PIBF1: variants seen among roughly 807,000 people sequenced by gnomAD.
PIBF1 encodes progesterone immunomodulatory binding factor 1, also known as progesterone-induced-blocking factor 1.
A neutral mutation model predicts 112.5 loss-of-function variants in PIBF1; 90 were observed. The observed-to-expected ratio is 0.80, with a 90% CI of 0.67 to 0.95. The LOEUF (loss-of-function observed/expected upper bound fraction) is 0.95, where lower values mean the gene tolerates loss of function less well. Ranked by LOEUF, PIBF1 falls within the 40% of genes least tolerant of loss-of-function variation. PIBF1 has a pLI of 0.00. For synonymous variants in PIBF1, 301 were observed against 288.6 expected (o/e 1.04, Z -0.44); for missense variants, 915 against 852.3 (o/e 1.07, Z -0.92).
chr13:72,852,515 A>G (rs2038212677), intron 9 of PIBF1, among the ~76,000 whole-genome samples: 1 of 152,168 alleles, frequency 6.6e-6, no homozygotes, highest in Admixed American at 6.5e-5. Flanking sequence ...CCCGGCCAGT[A>G]TAGCTTGAGC....
rs192099674 is a variant in PIBF1, at chr13:72,974,946, C to A, written c.2049+1271C>A. On this transcript the variant is annotated intron_variant, in intron 16 of 17. Coordinates refer to ENST00000326291, the MANE Select transcript of PIBF1 (RefSeq NM_006346.4). Reference sequence around the variant, plus strand: ...AATGAGAGTTCCAGTTTCTCTGCATCGTCACCAACCATTGGTATTTTTAAC... The same window carrying A: ...AATGAGAGTTCCAGTTTCTCTGCATAGTCACCAACCATTGGTATTTTTAAC... 2.0e-5 allele frequency among the ~76,000 whole-genome samples: 3 copies of A among 152,222 alleles called. No homozygotes were observed. In the East Asian group the frequency reaches 5.8e-4, roughly 29 times the overall value.
intron 5 of PIBF1, among the ~76,000 whole-genome samples, chr13:72,812,537 C>T (rs2036069188): frequency 6.6e-6 from 1 of 151,914 alleles, no homozygotes. Context: ...TTCGAGACCA[C>T]CCTGGCCAAC....
chr13:72,838,577 G>T (rs531460514), intron 9 of PIBF1, among the ~76,000 whole-genome samples: 1 of 152,164 alleles, frequency 6.6e-6, no homozygotes, highest in Non-Finnish European at 1.5e-5. Flanking sequence ...GAAATCAGAA[G>T]TGAGATACAG....
chr13:72,811,552 C>T (rs571744603), intron 5 of PIBF1, among the ~76,000 whole-genome samples: 4 of 147,854 alleles, frequency 2.7e-5, no homozygotes, highest in Admixed American at 6.8e-5. Context: ...GCGGAGATCG[C>T]GCCGTTGCTC....
At chr13:72,873,119 G>T (rs2138439535) in intron 10 of PIBF1, among the ~76,000 whole-genome samples, 1 of 152,146 alleles carries the variant, frequency 6.6e-6, no homozygotes, top group South Asian at 2.1e-4. Context: ...AAATCGAAAG[G>T]ACCAGAACAT....
chr13:72,900,257 A>G (rs973926837), intron 11 of PIBF1, among the ~76,000 whole-genome samples: 3 of 152,160 alleles, frequency 2.0e-5, no homozygotes, highest in Admixed American at 6.5e-5. Context: ...AAAAATTCTA[A>G]AATTCATGTG....
chr13:72,904,552 T>A (rs529482687), intron 11 of PIBF1, among the ~76,000 whole-genome samples: 1 of 148,578 alleles, frequency 6.7e-6, no homozygotes, highest in African/African-American at 2.5e-5. Flanking sequence ...GCGATTCTTG[T>A]GCCTCAGCCT....
At chr13:72,999,119 A>C (rs1259027228) in intron 17 of PIBF1, 124 bp downstream of exon 17, 10 of 616,068 alleles carry the variant, frequency 1.6e-5, no homozygotes, top group African/African-American at 1.1e-4. Flanking sequence ...TCATGAAAAG[A>C]CCTTGAAGGA....
At chr13:72,823,108 TAAAAAAG>T (rs1456349887) in intron 6 of PIBF1, among the ~76,000 whole-genome samples, 1 of 151,908 alleles carries the variant, frequency 6.6e-6, no homozygotes, top group Non-Finnish European at 1.5e-5. Flanking sequence ...AAATATAAAA[TAAAAAAG>T]AATAAAAATG....
chr13:73,005,530 A>C (rs1435782087), intron 17 of PIBF1, among the ~76,000 whole-genome samples: 1 of 151,858 alleles, frequency 6.6e-6, no homozygotes, highest in Non-Finnish European at 1.5e-5. Context: ...TAAATTTTTA[A>C]TTTAATTTAA....
rs530785035 is a variant in PIBF1 at position 72,897,161 on chromosome 13, A to G, written c.1488+3212A>G. On this transcript the variant is annotated intron_variant, in intron 11 of 17. Transcript: ENST00000326291. ...GATCCCATCTTCAGCATCCTCAAACAAAACAATTATAAGCCAATAACTTTG... is the reference window on the plus strand; with the variant it reads ...GATCCCATCTTCAGCATCCTCAAACGAAACAATTATAAGCCAATAACTTTG... Among the ~76,000 whole-genome samples the G allele has an allele frequency of 9.8e-5, 15 of 152,332 alleles. No homozygotes were observed. The East Asian group carries it at 1.4e-3, about 14-fold the overall frequency.
At chr13:72,907,671 C>A (rs2040747725) in intron 11 of PIBF1, among the ~76,000 whole-genome samples, 1 of 152,000 alleles carries the variant, frequency 6.6e-6, no homozygotes, top group Admixed American at 6.6e-5. Flanking sequence ...GGCTCCAAAC[C>A]ATATTCTTCA....
chr13:72,885,394 A>G (rs1594122678), intron 10 of PIBF1, among the ~76,000 whole-genome samples: 1 of 152,198 alleles, frequency 6.6e-6, no homozygotes, highest in Admixed American at 6.5e-5. Context: ...TAATATTTTA[A>G]TGTTTTCTAT....
chr13:72,864,844 A>G (rs774109255), intron 10 of PIBF1, among the ~76,000 whole-genome samples: 14 of 152,220 alleles, frequency 9.2e-5, no homozygotes, highest in South Asian at 2.1e-4. Context: ...CTTATTTCCT[A>G]CAGTGTATAT....
Position 72,908,531 on chromosome 13 carries a change from G to T in PIBF1, c.1489G>T (p.Val497Phe), listed in dbSNP as rs780730535. The stretch of plus-strand genomic sequence containing the variant: ...TGTAATTCTTCTCTTTCACTATTAG[G>T]TTTTAACCAAAGAATTTTATAGTCT... ...ECEKYQKKLE[V>F]LTKEFYSLQA... is the part of the protein sequence containing the mutation. Residue 497 changes from valine (V) to phenylalanine (F), a missense_variant and splice_region_variant, in exon 12 of 18, where the codon GTT (valine) becomes TTT (phenylalanine). By Grantham distance (50) the Val-to-Phe change is conservative. Transcript: ENST00000326291. 1.3e-6 allele frequency: 2 copies of T among 1,594,698 alleles called. No homozygotes were observed. Among genetic ancestry groups the T allele is most frequent in the Admixed American group, 1.8e-5 (1 of 56,792 alleles).
rs144214835 is a variant in PIBF1 at position 72,943,595 on chromosome 13, G to A, written c.1833+12328G>A. Among the ~76,000 whole-genome samples the A allele has an allele frequency of 2.7e-3, 413 of 152,254 alleles. 2 individuals are homozygous for A. Among genetic ancestry groups the A allele is most frequent in the African/African-American group, 9.5e-3 (395 of 41,548 alleles). ...CAAGACAATGTCCAGATTCTTTAGC[G>A]TGGCATAGATGGCCAATTTGATTCT... On this transcript the variant is annotated intron_variant, in intron 14 of 17. Transcript: ENST00000326291.
In PIBF1 at chr13:72,813,237, G is replaced by A. The variant is rs117129724; in HGVS notation, c.673-8612G>A. Among the ~76,000 whole-genome samples, 1,290 of 152,218 alleles carry A rather than the reference G, an allele frequency of 8.5e-3. 61 individuals are homozygous for A. The highest frequency in any genetic ancestry group is 9.6e-3 in the East Asian group (50 of 5,186). On this transcript the variant is annotated intron_variant, in intron 5 of 17. Transcript: ENST00000326291. ...GAATAAGCATTGCTGTTTAGGCTTA[G>A]TTGAAAGGAGGAAGTAAAGGGATTC... is the stretch of plus-strand genomic sequence containing the variant.
chr13:72,879,750 C>T (rs1038594290), intron 10 of PIBF1, among the ~76,000 whole-genome samples: 4 of 152,098 alleles, frequency 2.6e-5, no homozygotes, highest in Non-Finnish European at 4.4e-5. Context: ...TTTTGGACAG[C>T]CTGCAAGCTA....
intron 11 of PIBF1, among the ~76,000 whole-genome samples, chr13:72,908,235 A>T (rs1036730435): frequency 3.9e-5 from 6 of 152,112 alleles, no homozygotes; most frequent in Non-Finnish European, 8.8e-5. Flanking sequence ...TATTTTTTTA[A>T]ATTCTAACAA....
Sources: allele counts gnomAD v4.1 joint callset (sites outside exome capture counted in the v4.1 genomes callset), GRCh38; gene constraint gnomAD v4.1.1; transcripts MANE v1.5; gene names NCBI Gene and HGNC (gene_info 2026-07-23, HGNC 2026-07-21).